PI4KA: variants seen among roughly 807,000 people sequenced by gnomAD.
PI4KA encodes the protein PI4-kinase alpha.
A neutral mutation model predicts 271.4 loss-of-function variants in PI4KA; 122 were observed. The ratio of observed to expected loss-of-function variants is 0.45; its 90% CI spans 0.39 to 0.52. The LOEUF is 0.52. Among genes scored for constraint, PI4KA ranks in the 20% least tolerant of loss-of-function variants. The pLI is 0.00. For missense variants in PI4KA, 1,969 were observed against 2,769.1 expected (o/e 0.71, Z 6.48); for synonymous variants, 1,041 against 1,078.8 (o/e 0.96, Z 0.69).
intron 47 of PI4KA, among the ~76,000 whole-genome samples, chr22:20,713,908 G>A (rs1361887827): frequency 6.6e-6 from 1 of 152,220 alleles, no homozygotes; most frequent in African/African-American, 2.4e-5. Flanking sequence ...GGTCTTTGCA[G>A]ATGTAATTAG....
chr22:20,785,960 T>G (rs1208910110), intron 19 of PI4KA: 4 of 1,613,906 alleles, frequency 2.5e-6, no homozygotes, highest in Non-Finnish European at 3.4e-6. Flanking sequence ...CTTTTGTAAC[T>G]TGTGGTTCAA....
chr22:20,787,464 G>A (rs1374850518), intron 19 of PI4KA: 1 of 332,578 alleles, frequency 3.0e-6, no homozygotes, highest in Non-Finnish European at 5.8e-6. Flanking sequence ...AGAAATGAGT[G>A]GTGTGACTAA....
chr22:20,727,994 T>C (rs533009887), intron 39 of PI4KA, 130 bp from the exon 40 acceptor site: 2 of 603,106 alleles, frequency 3.3e-6, no homozygotes, highest in Admixed American at 3.4e-5. Context: ...AAGTGACGGC[T>C]TGGGTACAAA....
At chr22:20,760,145 T>C (rs1380188954) in intron 23 of PI4KA, among the ~76,000 whole-genome samples, 2 of 152,250 alleles carry the variant, frequency 1.3e-5, no homozygotes, top group African/African-American at 4.8e-5. Context: ...TCATTAATAC[T>C]AAATTTGTCA....
intron 32 of PI4KA, among the ~76,000 whole-genome samples, chr22:20,735,452 G>A (rs1156360459): frequency 1.6e-4 from 23 of 147,296 alleles, no homozygotes; most frequent in Admixed American, 2.1e-4. Context: ...GGTGGATCAG[G>A]GTGGCCACGT....
At chr22:20,804,126 C>A (rs564899895) in intron 12 of PI4KA, among the ~76,000 whole-genome samples, 174 bp downstream of exon 12, 1 of 152,048 alleles carries the variant, frequency 6.6e-6, no homozygotes, top group Admixed American at 6.5e-5. Flanking sequence ...CTGCAGGGGG[C>A]AGCCCACACT....
chr22:20,739,689 T>C (rs1929180781), intron 32 of PI4KA, among the ~76,000 whole-genome samples: 1 of 152,042 alleles, frequency 6.6e-6, no homozygotes, highest in South Asian at 2.1e-4. Flanking sequence ...ACAATAAATA[T>C]GCTCAAAGAT....
At chr22:20,842,486 C>T (rs1156923716) in intron 1 of PI4KA, among the ~76,000 whole-genome samples, 3 of 152,152 alleles carry the variant, frequency 2.0e-5, no homozygotes, top group Non-Finnish European at 4.4e-5. Context: ...ACTGGACTGC[C>T]TATCAAGAAA....
chr22:20,765,548 C>T (rs766732162), intron 20 of PI4KA, 37 bp downstream of exon 20: 2 of 1,375,958 alleles, frequency 1.5e-6, no homozygotes, highest in Non-Finnish European at 2.1e-6. Flanking sequence ...CTTCACTCTG[C>T]ACTCCGTCTT....
intron 19 of PI4KA, among the ~76,000 whole-genome samples, chr22:20,781,775 G>A (rs1409262257): frequency 1.3e-5 from 2 of 152,218 alleles, no homozygotes; most frequent in African/African-American, 4.8e-5. Flanking sequence ...ATTAGTACAA[G>A]TTTTGGAATT....
At chr22:20,737,008 C>T (rs1007003969) in intron 32 of PI4KA, 5 of 153,176 alleles carry the variant, frequency 3.3e-5, no homozygotes, top group African/African-American at 1.2e-4. Flanking sequence ...GGATGGGCGA[C>T]CAGTGTAGCG....
intron 17 of PI4KA, 53 bp from the exon 18 acceptor site, chr22:20,796,367 A>C: frequency 6.5e-7 from 1 of 1,545,648 alleles, no homozygotes; most frequent in Non-Finnish European, 8.8e-7. Flanking sequence ...AACCGTCCCC[A>C]AGGGACGGCA....
chr22:20,828,616 G>A lies in PI4KA; in HGVS notation c.368-4202C>T, dbSNP rs1164548077. ...TGTTGCCAGATTGGAGTGCGGTGGC[G>A]TGATCTCGGCTCACTGCAACCTCTG... On this transcript the variant is annotated intron_variant, in intron 3 of 54. Transcript: ENST00000255882. 4.0e-5 allele frequency among the ~76,000 whole-genome samples: 6 copies of A among 151,866 alleles called. No individual in the cohort carries two copies. The East Asian group carries it at 7.8e-4, about 20-fold the overall frequency.
chr22:20,751,543 CG>C, intron 26 of PI4KA, 130 bp downstream of exon 26: 1 of 963,132 alleles, frequency 1.0e-6, no homozygotes, highest in South Asian at 1.4e-5. Context: ...ACCCCCAACT[CG>C]ACACCTGTAG....
intron 42 of PI4KA, among the ~76,000 whole-genome samples, chr22:20,724,755 C>T (rs1362537115): frequency 6.6e-6 from 1 of 152,112 alleles, no homozygotes; most frequent in East Asian, 1.9e-4. Flanking sequence ...CAAGAGTTCA[C>T]ACGGAGGCCC....
intron 6 of PI4KA, 152 bp downstream of exon 6, chr22:20,819,489 G>C: frequency 1.4e-6 from 1 of 707,974 alleles, no homozygotes; most frequent in Non-Finnish European, 2.4e-6. Context: ...CATCTTAAGA[G>C]GGACAAGACA....
At chr22:20,791,954 A>G (rs1174507167) in intron 19 of PI4KA, among the ~76,000 whole-genome samples, 1 of 152,004 alleles carries the variant, frequency 6.6e-6, no homozygotes, top group Non-Finnish European at 1.5e-5. Flanking sequence ...TACAAAAATT[A>G]GCCATGCGTG....
intron 32 of PI4KA, among the ~76,000 whole-genome samples, chr22:20,737,394 T>C (rs538308169): frequency 6.6e-6 from 1 of 152,192 alleles, no homozygotes; most frequent in South Asian, 2.1e-4. Flanking sequence ...GCTAGTGATA[T>C]CTGTACTCCA....
chr22:20,735,760 C>T (rs1028087761), intron 32 of PI4KA, among the ~76,000 whole-genome samples: 1 of 152,224 alleles, frequency 6.6e-6, no homozygotes, highest in Non-Finnish European at 1.5e-5. Context: ...CTGCTGCTTC[C>T]CTCTAAGCTG....
Sources: allele counts gnomAD v4.1 joint callset (sites outside exome capture counted in the v4.1 genomes callset), GRCh38; gene constraint gnomAD v4.1.1; transcripts MANE v1.5; gene names NCBI Gene and HGNC (gene_info 2026-07-23, HGNC 2026-07-21).